Variants in ATRNL1 observed in about 807,000 individuals in gnomAD.
ATRNL1 encodes attractin-like protein 1.
A neutral mutation model predicts 182.7 loss-of-function variants in ATRNL1; 95 were observed. The observed-to-expected ratio is 0.52, with a 90% confidence interval of 0.44 to 0.62. The LOEUF (loss-of-function observed/expected upper bound fraction) is 0.62. ATRNL1 is among the 20% of genes least tolerant of loss of function. The pLI is 0.00. For missense variants in ATRNL1, 1,471 were observed against 1,679.5 expected, an observed-to-expected ratio of 0.88 and a Z score of 2.17; for synonymous variants, 576 against 568.3, an observed-to-expected ratio of 1.01 and a Z score of -0.19.
intron 5 of ATRNL1, among the ~76,000 whole-genome samples, chr10:115,136,835 A>G (rs1845535830): frequency 6.6e-6 from 1 of 152,180 alleles, no homozygotes; most frequent in Non-Finnish European, 1.5e-5. Flanking sequence ...TTGTTTATCC[A>G]TTCACCTACT....
intron 28 of ATRNL1, among the ~76,000 whole-genome samples, chr10:115,850,286 T>C (rs906824636): frequency 4.6e-5 from 7 of 152,186 alleles, no homozygotes; most frequent in Non-Finnish European, 4.4e-5. Context: ...AATAATGAAA[T>C]GTTGGGAAAC....
At chr10:115,268,562 A>G (rs558966597) in intron 13 of ATRNL1, 118 bp downstream of exon 13, 1 of 715,208 alleles carries the variant, frequency 1.4e-6, no homozygotes, top group South Asian at 1.8e-5. Flanking sequence ...GACATTTAGA[A>G]AGTATATAGG....
intron 13 of ATRNL1, among the ~76,000 whole-genome samples, chr10:115,269,766 A>G (rs1000296389): frequency 6.6e-6 from 1 of 152,154 alleles, no homozygotes; most frequent in Non-Finnish European, 1.5e-5. Context: ...GTTTTTCAAG[A>G]TAGCAGGCAG....
intron 24 of ATRNL1, among the ~76,000 whole-genome samples, chr10:115,491,600 C>G (rs1849304639): frequency 6.6e-6 from 1 of 152,172 alleles, no homozygotes; most frequent in Non-Finnish European, 1.5e-5. Flanking sequence ...ACTCCCCCCA[C>G]CAAGCTGGAG....
intron 26 of ATRNL1, among the ~76,000 whole-genome samples, chr10:115,647,729 A>C (rs1218693804): frequency 6.6e-6 from 1 of 151,808 alleles, no homozygotes; most frequent in African/African-American, 2.4e-5. Flanking sequence ...GATTGTAAAA[A>C]TTTTCTCCCG....
intron 13 of ATRNL1, among the ~76,000 whole-genome samples, chr10:115,273,870 T>A (rs1410322148): frequency 6.6e-6 from 1 of 152,166 alleles, no homozygotes; most frequent in Non-Finnish European, 1.5e-5. Flanking sequence ...CCTGATCATG[T>A]ATATACCACT....
At chr10:115,686,617 A>C (rs1194714018) in intron 26 of ATRNL1, among the ~76,000 whole-genome samples, 1 of 152,034 alleles carries the variant, frequency 6.6e-6, no homozygotes, top group Admixed American at 6.6e-5. Flanking sequence ...GTGCTCAGTT[A>C]GCATTTGTAA....
chr10:115,116,014 C>T (rs782804687), intron 1 of ATRNL1, among the ~76,000 whole-genome samples: 1 of 152,020 alleles, frequency 6.6e-6, no homozygotes, highest in Non-Finnish European at 1.5e-5. Context: ...ATGTGGCAGG[C>T]ATCTAGACAA....
At chr10:115,138,890 A>AAATG (rs1554877333) in intron 5 of ATRNL1, among the ~76,000 whole-genome samples, 1 of 152,146 alleles carries the variant, frequency 6.6e-6, no homozygotes, top group Non-Finnish European at 1.5e-5. Context: ...CCAAACTTTT[A>AAATG]TGCTGTGTGT....
chr10:115,202,499 T>G (rs1848624498), intron 8 of ATRNL1, among the ~76,000 whole-genome samples: 1 of 152,202 alleles, frequency 6.6e-6, no homozygotes, highest in African/African-American at 2.4e-5. Context: ...TCATGTGGTT[T>G]TTGTCTTTGG....
Position 115,230,568 on chromosome 10 carries a change from A to G in ATRNL1, c.1533-11003A>G, listed in dbSNP as rs1177011053. 2.0e-5 allele frequency among the ~76,000 whole-genome samples: 3 copies of G among 152,160 alleles called. No homozygotes were observed. The South Asian group carries it at 6.2e-4, about 31-fold the overall frequency. On this transcript the variant is annotated intron_variant, in intron 9 of 28. Coordinates refer to ENST00000355044, the MANE Select transcript of ATRNL1 (RefSeq NM_207303.4). ...CCAGTCATGTAGGGCCTTAGAAAACATTATAGAGCTTTTACTTTGGTATGG... is the reference window on the plus strand; with the variant it reads ...CCAGTCATGTAGGGCCTTAGAAAACGTTATAGAGCTTTTACTTTGGTATGG...
At chr10:115,528,037 T>C (rs150619960) in intron 25 of ATRNL1, among the ~76,000 whole-genome samples, 1,536 of 53,268 alleles carry the variant, frequency 0.029, 71 homozygotes, top group African/African-American at 0.085. Flanking sequence ...CTCCTTCCTT[T>C]CTTCCTTCCT....
chr10:115,530,613 G>T (rs1851510025), intron 25 of ATRNL1, among the ~76,000 whole-genome samples: 2 of 151,860 alleles, frequency 1.3e-5, no homozygotes, highest in Non-Finnish European at 2.9e-5. Flanking sequence ...TTCATGATTT[G>T]GGAAAAATAA....
intron 1 of ATRNL1, among the ~76,000 whole-genome samples, chr10:115,117,126 A>G (rs112343381): frequency 0.023 from 3,495 of 152,078 alleles, 50 homozygotes; most frequent in South Asian, 0.029. Context: ...GGATATTTTG[A>G]TACAGTCATG....
chr10:115,850,882 G>A (rs1449078225), intron 28 of ATRNL1, among the ~76,000 whole-genome samples: 2 of 152,120 alleles, frequency 1.3e-5, no homozygotes, highest in African/African-American at 4.8e-5. Flanking sequence ...TGAGGAGGAG[G>A]TAGAGGTGGA....
intron 24 of ATRNL1, among the ~76,000 whole-genome samples, chr10:115,505,752 AACAGGCAC>A (rs1276529481): frequency 2.0e-5 from 3 of 151,978 alleles, no homozygotes; most frequent in Admixed American, 6.6e-5. Context: ...TTTAAATACA[AACAGGCAC>A]ACAGGCACAC....
At chr10:115,884,223 A>C (rs941079326) in intron 28 of ATRNL1, among the ~76,000 whole-genome samples, 3 of 152,222 alleles carry the variant, frequency 2.0e-5, no homozygotes, top group Admixed American at 1.3e-4. Context: ...TTGGTAATCC[A>C]TGGCTATGAA....
At chr10:115,389,368 G>A (rs556061971) in intron 19 of ATRNL1, among the ~76,000 whole-genome samples, 1 of 150,828 alleles carries the variant, frequency 6.6e-6, no homozygotes, top group Non-Finnish European at 1.5e-5. Flanking sequence ...AGCCAGGCGG[G>A]CATTAGTGGT....
At chr10:115,105,304 A>G (rs1488549265) in intron 1 of ATRNL1, among the ~76,000 whole-genome samples, 1 of 152,132 alleles carries the variant, frequency 6.6e-6, no homozygotes, top group African/African-American at 2.4e-5. Flanking sequence ...GGCAGAAGAA[A>G]TTTCTAAGCA....
Sources: allele counts gnomAD v4.1 joint callset (sites outside exome capture counted in the v4.1 genomes callset), GRCh38; gene constraint gnomAD v4.1.1; transcripts MANE v1.5; gene names NCBI Gene and HGNC (gene_info 2026-07-23, HGNC 2026-07-21).